Variants in GALNTL6 observed in about 807,000 individuals in gnomAD.
The protein encoded by GALNTL6 is polypeptide N-acetylgalactosaminyltransferase-like 6.
A neutral mutation model predicts 73.7 loss-of-function variants in GALNTL6; 46 were observed. The observed-to-expected ratio is 0.62, with a 90% CI of 0.49 to 0.80. The LOEUF (loss-of-function observed/expected upper bound fraction) is 0.80, where lower values mean the gene tolerates loss of function less well. Ranked by LOEUF, GALNTL6 falls within the 30% of genes least tolerant of loss-of-function variation. GALNTL6 has a pLI of 0.00. For missense variants in GALNTL6, 604 were observed against 755.0 expected, an observed-to-expected ratio of 0.80 and a Z score of 2.34; for synonymous variants, 259 against 263.7, an observed-to-expected ratio of 0.98 and a Z score of 0.17.
At chr4:172,772,650 T>G (rs962900764) in intron 5 of GALNTL6, among the ~76,000 whole-genome samples, 1 of 152,142 alleles carries the variant, frequency 6.6e-6, no homozygotes, top group African/African-American at 2.4e-5. Flanking sequence ...CAAGATTGTT[T>G]TAACTGTTTT....
At chr4:173,003,277 G>A (rs879711437) in intron 10 of GALNTL6, among the ~76,000 whole-genome samples, 35 of 152,242 alleles carry the variant, frequency 2.3e-4, no homozygotes, top group Non-Finnish European at 1.6e-4. Flanking sequence ...GAGGGGTAGG[G>A]AGGTGGGTAT....
In GALNTL6 at chr4:172,125,005, A is replaced by T. The variant is rs114673066; in HGVS notation, c.139-104651A>T. On this transcript the variant is annotated intron_variant, in intron 2 of 12. Transcript: ENST00000506823. ...AGAAAGAACATTTCAGCATCAGGCCATAACAGCAGAGTTAAGACCGAAGAA... is the reference window on the plus strand; with the variant it reads ...AGAAAGAACATTTCAGCATCAGGCCTTAACAGCAGAGTTAAGACCGAAGAA... 3.1e-3 allele frequency among the ~76,000 whole-genome samples: 472 copies of T among 152,318 alleles called. 2 individuals carry two copies. Among genetic ancestry groups the T allele is most frequent in the African/African-American group, 0.011 (453 of 41,574 alleles).
chr4:172,802,790 CAAAA>C (rs869063582), intron 5 of GALNTL6, among the ~76,000 whole-genome samples: 4 of 76,802 alleles, frequency 5.2e-5, no homozygotes, highest in East Asian at 6.0e-4. Flanking sequence ...GACTCCGTCT[CAAAA>C]AAACAAACAA....
intron 2 of GALNTL6, among the ~76,000 whole-genome samples, chr4:172,141,023 T>C (rs751624249): frequency 6.6e-5 from 10 of 152,128 alleles, no homozygotes; most frequent in Non-Finnish European, 1.5e-4. Context: ...GTACCATTTA[T>C]TACAAACCTA....
At chr4:172,611,854 G>A (rs970235931) in intron 5 of GALNTL6, among the ~76,000 whole-genome samples, 3 of 152,060 alleles carry the variant, frequency 2.0e-5, no homozygotes, top group African/African-American at 7.2e-5. Flanking sequence ...TACACATAAT[G>A]CAGACAATTG....
intron 2 of GALNTL6, among the ~76,000 whole-genome samples, chr4:172,218,187 C>A (rs1355433193): frequency 6.6e-6 from 1 of 152,072 alleles, no homozygotes; most frequent in Non-Finnish European, 1.5e-5. Context: ...ATCCCAGCTC[C>A]CTTAGGTGAG....
chr4:172,255,209 T>A (rs2111023636), intron 3 of GALNTL6, among the ~76,000 whole-genome samples: 1 of 151,768 alleles, frequency 6.6e-6, no homozygotes, highest in South Asian at 2.1e-4. Flanking sequence ...AGAATACTGC[T>A]TAATTTAGTC....
Position 172,301,461 on chromosome 4 carries a change from CA to C in GALNTL6, c.248-10152del, listed in dbSNP as rs555058935. Among the ~76,000 whole-genome samples, 6 of 152,256 alleles carry C rather than the reference CA, an allele frequency of 3.9e-5. No homozygotes were observed. The South Asian group carries it at 1.0e-3, about 26-fold the overall frequency. On this transcript the variant is annotated intron_variant, in intron 3 of 12. Transcript: ENST00000506823. ...GAGGCACTCTGATTTTTAGAATTTT[CA>C]GTTTTTCTGCTCTGTTTTTTCCCCA...
chr4:172,671,500 A>G (rs1161708453), intron 5 of GALNTL6, among the ~76,000 whole-genome samples: 1 of 152,126 alleles, frequency 6.6e-6, no homozygotes, highest in African/African-American at 2.4e-5. Flanking sequence ...TAATTTTTGC[A>G]TATTGATTTT....
intron 5 of GALNTL6, among the ~76,000 whole-genome samples, chr4:172,433,162 A>T (rs998013801): frequency 9.2e-5 from 14 of 152,170 alleles, no homozygotes; most frequent in African/African-American, 3.4e-4. Flanking sequence ...GCAATGTAAC[A>T]TCTAGGACTA....
chr4:173,036,236 T>G (rs1753691315), intron 12 of GALNTL6, among the ~76,000 whole-genome samples: 1 of 152,202 alleles, frequency 6.6e-6, no homozygotes, highest in South Asian at 2.1e-4. Context: ...CTATATATAA[T>G]GGACTCATAT....
chr4:172,670,726 A>G (rs1180107402), intron 5 of GALNTL6, among the ~76,000 whole-genome samples: 1 of 152,084 alleles, frequency 6.6e-6, no homozygotes, highest in South Asian at 2.1e-4. Flanking sequence ...ATTTTTGCCC[A>G]TTTCTATGCC....
chr4:172,749,823 C>T (rs1241079579), intron 5 of GALNTL6, among the ~76,000 whole-genome samples: 4 of 151,796 alleles, frequency 2.6e-5, no homozygotes, highest in Non-Finnish European at 4.4e-5. Context: ...TTCTATAATT[C>T]TCACAATATT....
chr4:172,905,804 A>C (rs1746853402), intron 8 of GALNTL6, among the ~76,000 whole-genome samples: 2 of 127,590 alleles, frequency 1.6e-5, no homozygotes, highest in Non-Finnish European at 3.3e-5. Context: ...TTTCTCCTAG[A>C]GATCACTCAA....
chr4:173,019,634 C>T lies in GALNTL6; in HGVS notation c.1489-1842C>T, dbSNP rs891778303. ...TTAAAAACTCTAGGAAAAAAGACTA[C>T]ACAATTCATCTTCATGAATTTATTT... On this transcript the variant is annotated intron_variant, in intron 11 of 12. Transcript: ENST00000506823. Among the ~76,000 whole-genome samples the T allele has an allele frequency of 4.6e-5, 7 of 152,330 alleles. No individual in the cohort carries two copies. The South Asian group carries it at 1.0e-3, about 23-fold the overall frequency.
chr4:172,465,183 A>G (rs1206121046), intron 5 of GALNTL6, among the ~76,000 whole-genome samples: 2 of 152,332 alleles, frequency 1.3e-5, no homozygotes, highest in East Asian at 3.9e-4. Context: ...GCTATATTTA[A>G]GAAACTAGTA....
chr4:172,222,381 CT>C (rs1165113173), intron 2 of GALNTL6, among the ~76,000 whole-genome samples: 1 of 151,804 alleles, frequency 6.6e-6, no homozygotes, highest in East Asian at 1.9e-4. Flanking sequence ...TGAAAGCAAC[CT>C]TTTCTTGCAA....
At chr4:172,469,466 C>T (rs1037628579) in intron 5 of GALNTL6, among the ~76,000 whole-genome samples, 1 of 151,778 alleles carries the variant, frequency 6.6e-6, no homozygotes, top group Non-Finnish European at 1.5e-5. Context: ...AAAAAATAGC[C>T]AGTCATGATG....
At chr4:172,568,728 A>C (rs986797447) in intron 5 of GALNTL6, among the ~76,000 whole-genome samples, 1 of 129,152 alleles carries the variant, frequency 7.7e-6, no homozygotes, top group Non-Finnish European at 1.5e-5. Context: ...ACTGCACTCC[A>C]GCCTGGGCCA....
Sources: allele counts gnomAD v4.1 joint callset (sites outside exome capture counted in the v4.1 genomes callset), GRCh38; gene constraint gnomAD v4.1.1; transcripts MANE v1.5; gene names NCBI Gene and HGNC (gene_info 2026-07-23, HGNC 2026-07-21).